Variants in BUB1 observed in about 807,000 individuals in gnomAD.
BUB1 encodes BUB1 mitotic checkpoint serine/threonine kinase.
In BUB1, 84 loss-of-function variants were observed where a neutral mutation model predicts 135.2. The ratio of observed to expected loss-of-function variants is 0.62; its 90% CI spans 0.52 to 0.74. BUB1 has a LOEUF of 0.74. BUB1 is among the 30% of genes least tolerant of loss of function. BUB1 has a pLI of 0.00. For synonymous variants in BUB1, 403 were observed against 434.4 expected, an observed-to-expected ratio of 0.93 and a Z score of 0.90; for missense variants, 1,162 against 1,288.3, an observed-to-expected ratio of 0.90 and a Z score of 1.50.
intron 16 of BUB1, among the ~76,000 whole-genome samples, chr2:110,654,078 T>C (rs751886980): frequency 4.0e-5 from 6 of 151,688 alleles, no homozygotes; most frequent in Non-Finnish European, 5.9e-5. Context: ...AAAAAAGGGG[T>C]CGAGAGAGTG....
At chr2:110,676,000 C>G (rs779065542) in intron 1 of BUB1, among the ~76,000 whole-genome samples, 1 of 151,258 alleles carries the variant, frequency 6.6e-6, no homozygotes, top group Non-Finnish European at 1.5e-5. Context: ...TGAATGAAAT[C>G]AATGTTTCTT....
intron 1 of BUB1, chr2:110,676,710 C>G (rs573260482): frequency 6.6e-5 from 10 of 152,098 alleles, no homozygotes; most frequent in African/African-American, 2.2e-4. Flanking sequence ...TATATATATA[C>G]TGTTATATTT....
intron 18 of BUB1, among the ~76,000 whole-genome samples, chr2:110,649,776 A>G (rs957469457): frequency 2.0e-5 from 3 of 152,206 alleles, no homozygotes; most frequent in Admixed American, 6.5e-5. Flanking sequence ...TTCCACTTAT[A>G]TCCACAAAAC....
chr2:110,651,470 T>A (rs1184092304), intron 17 of BUB1, among the ~76,000 whole-genome samples: 1 of 152,256 alleles, frequency 6.6e-6, no homozygotes, highest in East Asian at 1.9e-4. Context: ...GTTTGTTTTT[T>A]AAGCTAAGTG....
rs763002902 is a variant in BUB1 at position 110,666,266 on chromosome 2, G to A, written c.954C>T (p.Ser318=). The change falls in exon 9 of 25, where the codon TCC becomes TCT. Residue 318 remains serine, a synonymous_variant. Coordinates refer to ENST00000302759, the MANE Select transcript of BUB1 (RefSeq NM_004336.5). The part of the protein sequence containing the change: ...HEDLPASQER[S]EVNPARMGPS... ...TGTCATGAGGAGCACAACATACCTCGGACCTTTCCTGGGAAGCGGGCAGAT... is the reference window on the plus strand; with the variant it reads ...TGTCATGAGGAGCACAACATACCTCAGACCTTTCCTGGGAAGCGGGCAGAT... 9.2e-6 allele frequency: 13 copies of A among 1,419,144 alleles called. No homozygotes were observed. The highest frequency in any genetic ancestry group is 1.9e-5 in the South Asian group (1 of 53,078). 87.9% of individuals were successfully genotyped at this position (1,419,144 alleles called of 1,614,324 possible). A position where few individuals can be genotyped will look rare whatever the true frequency, so the allele number is the denominator to read the frequency against.
Position 110,639,945 on chromosome 2 carries a change from C to G in BUB1, c.2956-97G>C, listed in dbSNP as rs781524924. 12 of 993,226 alleles carry G rather than the reference C, an allele frequency of 1.2e-5. No individual in the cohort carries two copies. In the Admixed American group the frequency reaches 2.1e-4, roughly 17 times the overall value. The allele number at this position is 993,226 out of a possible 1,614,324, so 61.5% of individuals were successfully genotyped here. ...ACTTAGGCAGCAAGTTAAATACTCA[C>G]AGGATTTTACTTTTAAAACATTTTG... On this transcript the variant is annotated intron_variant, in intron 23 of 24. Coordinates refer to ENST00000302759, the MANE Select transcript of BUB1 (RefSeq NM_004336.5).
rs142670975 is a variant in BUB1 at position 110,651,221 on chromosome 2, TAAC to T, written c.1965-440_1965-438del. On this transcript the variant is annotated intron_variant, in intron 17 of 24. Coordinates refer to ENST00000302759, the MANE Select transcript of BUB1 (RefSeq NM_004336.5). ...TCCATATATATAGTCATGTGCTGCATAACAACAATTCAGAGGACAGCATATGCA... is the reference window on the plus strand; with the variant it reads ...TCCATATATATAGTCATGTGCTGCATAACAATTCAGAGGACAGCATATGCA... 1.3e-3 allele frequency among the ~76,000 whole-genome samples: 194 copies of T among 152,272 alleles called. 7 individuals are homozygous for T. In the East Asian group the frequency reaches 0.036, roughly 28 times the overall value.
At chr2:110,641,596 A>G (rs1305546038) in intron 21 of BUB1, 46 bp downstream of exon 21, 1 of 1,593,110 alleles carries the variant, frequency 6.3e-7, no homozygotes, top group Non-Finnish European at 8.5e-7. Flanking sequence ...TACAAGCCAA[A>G]AATCCATTTT....
At chr2:110,668,165 G>T (rs570157778) in intron 6 of BUB1, among the ~76,000 whole-genome samples, 1 of 152,214 alleles carries the variant, frequency 6.6e-6, no homozygotes, top group Non-Finnish European at 1.5e-5. Flanking sequence ...CTAGAGTATA[G>T]TGTCTGAACA....
chr2:110,663,996 T>C (rs1387773181), intron 9 of BUB1, among the ~76,000 whole-genome samples: 1 of 131,596 alleles, frequency 7.6e-6, no homozygotes, highest in Non-Finnish European at 1.5e-5. Context: ...GCCACTGCCC[T>C]CCAGCCTGGG....
intron 1 of BUB1, among the ~76,000 whole-genome samples, chr2:110,677,478 G>A (rs561619139): frequency 4.0e-4 from 61 of 152,194 alleles, no homozygotes; most frequent in Non-Finnish European, 8.4e-4. Flanking sequence ...AATGAGCAAA[G>A]CTATTTTTTT....
At chr2:110,676,860 T>C (rs899824652) in intron 1 of BUB1, among the ~76,000 whole-genome samples, 9 of 151,750 alleles carry the variant, frequency 5.9e-5, no homozygotes, top group African/African-American at 1.9e-4. Flanking sequence ...GGTACAGGAG[T>C]TCTCGGTAAA....
rs1018833219 is a variant in BUB1 at position 110,670,143 on chromosome 2, T to C, written c.466+382A>G. On this transcript the variant is annotated intron_variant, in intron 5 of 24. Coordinates refer to ENST00000302759, the MANE Select transcript of BUB1 (RefSeq NM_004336.5). ...TTGGATGGGTTTTTTTTTTTTTTTTTTTTTTTTTTTGTGGAGACGGAGTCT... is the reference window on the plus strand; with the variant it reads ...TTGGATGGGTTTTTTTTTTTTTTTTCTTTTTTTTTTGTGGAGACGGAGTCT... Among the ~76,000 whole-genome samples the C allele has an allele frequency of 4.4e-3, 638 of 144,572 alleles. 4 individuals carry two copies. The highest frequency in any genetic ancestry group is 0.016 in the African/African-American group (611 of 38,890). The allele number at this position is 144,572 out of a possible 152,430, so 94.8% of individuals were successfully genotyped here. A position where few individuals can be genotyped will look rare whatever the true frequency, so the allele number is the denominator to read the frequency against.
chr2:110,647,863 C>T (rs1488679238), intron 19 of BUB1, among the ~76,000 whole-genome samples: 1 of 152,146 alleles, frequency 6.6e-6, no homozygotes, highest in East Asian at 1.9e-4. Context: ...TCACTGTTCA[C>T]GTATCAGAAT....
At position 110,661,816 on chromosome 2, in the gene BUB1, C is replaced by A; in HGVS notation, c.983G>T (p.Ser328Ile). 6.2e-7 allele frequency: 1 copy of A among 1,614,200 alleles called. No individual in the cohort carries two copies. Among genetic ancestry groups the A allele is most frequent in the East Asian group, 2.2e-5 (1 of 44,896 alleles). Reference sequence around the variant, plus strand: ...TCTCAGTTCCTGCTGGGAGCCTACACTTGGCCCCATACGTGCTGGATTAAC... The same window carrying A: ...TCTCAGTTCCTGCTGGGAGCCTACAATTGGCCCCATACGTGCTGGATTAAC... ...SEVNPARMGP[S>I]VGSQQELRAP... Residue 328 changes from serine to isoleucine, a missense_variant, in exon 10 of 25, where the codon AGT becomes ATT. Coordinates refer to ENST00000302759, the MANE Select transcript of BUB1 (RefSeq NM_004336.5).
At chr2:110,665,265 T>C (rs1302211401) in intron 9 of BUB1, among the ~76,000 whole-genome samples, 1 of 152,200 alleles carries the variant, frequency 6.6e-6, no homozygotes, top group Non-Finnish European at 1.5e-5. Flanking sequence ...AAATACAAAC[T>C]ATAGCAGTTA....
At chr2:110,658,158 T>C (rs1416400528) in intron 13 of BUB1, among the ~76,000 whole-genome samples, 2 of 151,818 alleles carry the variant, frequency 1.3e-5, no homozygotes, top group African/African-American at 2.4e-5. Context: ...CCTTGAGTAC[T>C]CAGCCCTTCT....
intron 9 of BUB1, among the ~76,000 whole-genome samples, chr2:110,665,772 A>C (rs1249697594): frequency 6.6e-6 from 1 of 152,190 alleles, no homozygotes; most frequent in Non-Finnish European, 1.5e-5. Flanking sequence ...TGTCATAGAC[A>C]AACATATAAT....
intron 16 of BUB1, among the ~76,000 whole-genome samples, chr2:110,654,164 G>A (rs1574322558): frequency 1.3e-5 from 2 of 152,148 alleles, no homozygotes; most frequent in East Asian, 3.9e-4. Context: ...CCCAGCTTCA[G>A]GAGAACCTGA....
Sources: gnomAD v4.1 joint callset for allele counts (sites outside exome capture counted in the v4.1 genomes callset) on GRCh38, gnomAD v4.1.1 for gene constraint, MANE v1.5 for transcripts, NCBI Gene and HGNC (gene_info 2026-07-23, HGNC 2026-07-21) for gene names.